NAV2: variants seen among roughly 807,000 people sequenced by gnomAD.
NAV2 encodes helicase, APC down-regulated 1.
NAV2 carries 54 observed loss-of-function variants against 223.2 expected under a neutral mutation model. That is an observed-to-expected ratio of 0.24 (90% CI 0.19 to 0.30). The LOEUF is 0.30. Among genes scored for constraint, NAV2 ranks in the 10% least tolerant of loss-of-function variants. The probability of loss-of-function intolerance (pLI) is 1.00; values close to 1 mark genes in which losing one functional copy is unlikely to be tolerated. For missense variants in NAV2, 2,806 were observed against 3,147.5 expected, an observed-to-expected ratio of 0.89 and a Z score of 2.60; for synonymous variants, 1,279 against 1,239.3, an observed-to-expected ratio of 1.03 and a Z score of -0.67.
At chr11:19,569,126 A>G (rs1450140685) in intron 1 of NAV2, among the ~76,000 whole-genome samples, 1 of 152,268 alleles carries the variant, frequency 6.6e-6, no homozygotes, top group Non-Finnish European at 1.5e-5. Context: ...ATTTATAAAA[A>G]TAAAGTGTTT....
chr11:19,637,991 G>A (rs1007155127), intron 1 of NAV2, among the ~76,000 whole-genome samples: 2 of 152,206 alleles, frequency 1.3e-5, no homozygotes, highest in African/African-American at 2.4e-5. Flanking sequence ...CTTACTATGT[G>A]CTAAATATTC....
chr11:19,466,146 G>A (rs1270709646), intron 1 of NAV2, among the ~76,000 whole-genome samples: 1 of 152,170 alleles, frequency 6.6e-6, no homozygotes, highest in Non-Finnish European at 1.5e-5. Flanking sequence ...TTTTTATAGC[G>A]ATGTGCCAGA....
At position 19,522,580 on chromosome 11, in the gene NAV2, C is replaced by G. The variant is rs1260851008; in HGVS notation, c.75+171553C>G. Among the ~76,000 whole-genome samples the G allele has an allele frequency of 2.0e-5, 3 of 152,336 alleles. No homozygotes were observed. In the South Asian group the frequency reaches 6.2e-4, roughly 32 times the overall value. Reference sequence around the variant, plus strand: ...CCCATGAGGCCCTCCTGAGCCTCCTCACCACTGGAGTGCCACTGGTGTGTG... The same window carrying G: ...CCCATGAGGCCCTCCTGAGCCTCCTGACCACTGGAGTGCCACTGGTGTGTG... On this transcript the variant is annotated intron_variant, in intron 1 of 37. Transcript: ENST00000360655.
At chr11:19,485,043 GAGGCCCA>G (rs2042397880) in intron 1 of NAV2, among the ~76,000 whole-genome samples, 1 of 151,878 alleles carries the variant, frequency 6.6e-6, no homozygotes. Flanking sequence ...TAGAGGCCCA[GAGGCCCA>G]GGCTACAGAC....
chr11:19,394,502 C>A (rs1849373143), intron 1 of NAV2, among the ~76,000 whole-genome samples: 1 of 152,186 alleles, frequency 6.6e-6, no homozygotes, highest in African/African-American at 2.4e-5. Flanking sequence ...CTCTGGCACA[C>A]AATGGTCAAT....
intron 1 of NAV2, among the ~76,000 whole-genome samples, chr11:19,474,285 A>G (rs960143405): frequency 2.0e-5 from 3 of 152,254 alleles, no homozygotes; most frequent in Non-Finnish European, 4.4e-5. Context: ...TGAGAGTGAA[A>G]ACAATGAGAC....
At chr11:19,937,972 G>A (rs2046057982) in intron 7 of NAV2, among the ~76,000 whole-genome samples, 1 of 152,212 alleles carries the variant, frequency 6.6e-6, no homozygotes, top group Non-Finnish European at 1.5e-5. Flanking sequence ...TGACATGGAA[G>A]CTGCATCTTA....
At chr11:19,786,979 T>A (rs1429768671) in intron 1 of NAV2, among the ~76,000 whole-genome samples, 5 of 152,142 alleles carry the variant, frequency 3.3e-5, no homozygotes, top group Non-Finnish European at 1.5e-5. Flanking sequence ...GAATAGCCAC[T>A]GAACTCCTGC....
chr11:19,897,903 T>TATATATATATAC (rs927166131), intron 6 of NAV2, among the ~76,000 whole-genome samples: 3 of 147,524 alleles, frequency 2.0e-5, no homozygotes, highest in African/African-American at 7.7e-5. Context: ...TATATATATA[T>TATATATATATAC]ATGTGAGCAG....
chr11:20,101,589 A>G (rs866072008), intron 32 of NAV2, among the ~76,000 whole-genome samples: 29 of 152,330 alleles, frequency 1.9e-4, no homozygotes, highest in African/African-American at 6.3e-4. Context: ...TCTCACAGCA[A>G]TACCTTCACG....
chr11:20,027,680 C>A, intron 11 of NAV2: 1 of 154,012 alleles, frequency 6.5e-6, no homozygotes, highest in Non-Finnish European at 1.4e-5. Context: ...CTCATCTCTG[C>A]TCACCGGCTG....
At chr11:19,582,528 G>A (rs1261204882) in intron 1 of NAV2, among the ~76,000 whole-genome samples, 2 of 152,150 alleles carry the variant, frequency 1.3e-5, no homozygotes, top group Non-Finnish European at 2.9e-5. Context: ...AATCCATCTT[G>A]AATTAATTTT....
chr11:19,682,799 C>G (rs1331841819), intron 1 of NAV2, among the ~76,000 whole-genome samples: 1 of 152,220 alleles, frequency 6.6e-6, no homozygotes, highest in Admixed American at 6.5e-5. Flanking sequence ...CTAAGCCGTT[C>G]ATGAGGGATC....
intron 1 of NAV2, among the ~76,000 whole-genome samples, chr11:19,815,287 CAT>C (rs1454670414): frequency 6.6e-6 from 1 of 152,162 alleles, no homozygotes; most frequent in Non-Finnish European, 1.5e-5. Context: ...GGATATTGGA[CAT>C]GTGTGTCGTT....
At chr11:19,448,132 C>A (rs754057976) in intron 1 of NAV2, among the ~76,000 whole-genome samples, 14 of 152,100 alleles carry the variant, frequency 9.2e-5, no homozygotes, top group Non-Finnish European at 1.6e-4. Flanking sequence ...TATAAAAGCA[C>A]CCCACCCTGT....
chr11:19,924,647 C>T (rs1591266805), intron 6 of NAV2, among the ~76,000 whole-genome samples: 1 of 151,912 alleles, frequency 6.6e-6, no homozygotes, highest in Non-Finnish European at 1.5e-5. Context: ...TTTAAGTGAC[C>T]CAGTAGAGAG....
intron 1 of NAV2, among the ~76,000 whole-genome samples, chr11:19,752,212 C>T (rs1014798861): frequency 2.6e-5 from 4 of 152,160 alleles, no homozygotes; most frequent in Non-Finnish European, 5.9e-5. Context: ...TGAGTGTGAC[C>T]TTTGGCAAAG....
At chr11:20,090,733 T>C in intron 26 of NAV2, 132 bp from the exon 27 acceptor site, 2 of 846,744 alleles carry the variant, frequency 2.4e-6, no homozygotes, top group Non-Finnish European at 3.5e-6. Flanking sequence ...TTTGGCATTG[T>C]CACCCACAGG....
intron 1 of NAV2, among the ~76,000 whole-genome samples, chr11:19,636,935 G>A (rs1270001144): frequency 6.6e-6 from 1 of 152,228 alleles, no homozygotes; most frequent in Non-Finnish European, 1.5e-5. Context: ...AAAGAAAGGA[G>A]CTTCAGTGCT....
Sources: gnomAD v4.1 joint callset for allele counts (sites outside exome capture counted in the v4.1 genomes callset) on GRCh38, gnomAD v4.1.1 for gene constraint, MANE v1.5 for transcripts, NCBI Gene and HGNC (gene_info 2026-07-23, HGNC 2026-07-21) for gene names.